PDAP1: variants seen among roughly 807,000 people sequenced by gnomAD.
PDAP1 encodes 28 kDa heat- and acid-stable phosphoprotein.
A neutral mutation model predicts 28.0 loss-of-function variants in PDAP1; 13 were observed. The observed-to-expected ratio is 0.46, with a 90% CI of 0.30 to 0.74. The LOEUF (loss-of-function observed/expected upper bound fraction) is 0.74. Ranked by LOEUF, PDAP1 falls within the 30% of genes least tolerant of loss-of-function variation. The probability of loss-of-function intolerance (pLI) is 0.07; values close to 1 mark genes in which losing one functional copy is unlikely to be tolerated. For synonymous variants in PDAP1, 77 were observed against 85.1 expected (o/e 0.91, Z 0.52); for missense variants, 150 against 230.0 (o/e 0.65, Z 2.25).
intron 4 of PDAP1, among the ~76,000 whole-genome samples, chr7:99,398,481 TG>T (rs1379149902): frequency 6.6e-6 from 1 of 152,218 alleles, no homozygotes; most frequent in Non-Finnish European, 1.5e-5. Flanking sequence ...CACTTGAGGC[TG>T]TAAGTTTGAG....
intron 4 of PDAP1, among the ~76,000 whole-genome samples, chr7:99,400,047 G>A (rs530035681): frequency 5.7e-4 from 87 of 152,312 alleles, no homozygotes; most frequent in African/African-American, 1.9e-3. Context: ...GGGAATGGAG[G>A]GCAACCCTCT....
chr7:99,408,455 C>G (rs1795030624), intron 1 of PDAP1, 81 bp downstream of exon 1: 1 of 1,249,526 alleles, frequency 8.0e-7, no homozygotes, highest in Non-Finnish European at 1.0e-6. Flanking sequence ...CTCTCAGAGA[C>G]GCGCACGGGC....
intron 4 of PDAP1, among the ~76,000 whole-genome samples, chr7:99,399,033 C>A (rs1023891307): frequency 1.3e-5 from 2 of 152,164 alleles, no homozygotes; most frequent in Non-Finnish European, 2.9e-5. Flanking sequence ...AGGATGAGAT[C>A]GGAGGGCCTA....
At chr7:99,398,773 C>G (rs1258878100) in intron 4 of PDAP1, among the ~76,000 whole-genome samples, 3 of 152,186 alleles carry the variant, frequency 2.0e-5, no homozygotes, top group African/African-American at 7.2e-5. Flanking sequence ...ATGAGGACCA[C>G]AGTGGGAAAC....
At chr7:99,404,688 G>C (rs1024441714) in intron 2 of PDAP1, among the ~76,000 whole-genome samples, 174 bp downstream of exon 2, 1 of 152,152 alleles carries the variant, frequency 6.6e-6, no homozygotes, top group Non-Finnish European at 1.5e-5. Flanking sequence ...GGATGCCCAC[G>C]CCCTGACTGT....
chr7:99,398,074 G>A (rs1562822453), intron 4 of PDAP1, 61 bp from the exon 5 acceptor site: 46 of 1,590,612 alleles, frequency 2.9e-5, no homozygotes, highest in Non-Finnish European at 3.5e-5. Flanking sequence ...CAAACTGGAC[G>A]GGAGTCAGAA....
chr7:99,405,429 G>T (rs1040072682), intron 1 of PDAP1, among the ~76,000 whole-genome samples: 1 of 146,938 alleles, frequency 6.8e-6, no homozygotes, highest in Admixed American at 6.9e-5. Context: ...GCGCAATCTC[G>T]GCTCACCGCA....
At chr7:99,399,183 G>T (rs1794816627) in intron 4 of PDAP1, among the ~76,000 whole-genome samples, 1 of 152,126 alleles carries the variant, frequency 6.6e-6, no homozygotes, top group African/African-American at 2.4e-5. Context: ...AGGCATGGGA[G>T]CTAGCTAGAG....
At chr7:99,399,462 G>A (rs531969868) in intron 4 of PDAP1, among the ~76,000 whole-genome samples, 143 of 324 alleles carry the variant, frequency 0.44, 1 homozygote, top group African/African-American at 0.49. Flanking sequence ...GGACACTGAT[G>A]CCCAGAAAGG....
In PDAP1 at chr7:99,404,380, T is replaced by C. The variant is rs556341292; in HGVS notation, c.105+482A>G. Reference sequence around the variant, plus strand: ...GAGGAGAGGGAACTACTAAATCAGCTCTGGCTGGAGGTGAGGCATGAGTCA... The same window carrying C: ...GAGGAGAGGGAACTACTAAATCAGCCCTGGCTGGAGGTGAGGCATGAGTCA... On this transcript the variant is annotated intron_variant, in intron 2 of 5. Transcript: ENST00000350498. 5.3e-5 allele frequency among the ~76,000 whole-genome samples: 8 copies of C among 152,182 alleles called. No homozygotes were observed. In the East Asian group the frequency reaches 1.5e-3, roughly 29 times the overall value.
chr7:99,402,228 C>CAA (rs765074891), intron 3 of PDAP1, among the ~76,000 whole-genome samples: 4,755 of 47,044 alleles, frequency 0.1, 199 homozygotes, highest in African/African-American at 0.18. Context: ...CTCCATCTCC[C>CAA]AAAAAAAAAA....
chr7:99,398,647 T>A (rs1044148439), intron 4 of PDAP1, among the ~76,000 whole-genome samples: 4 of 152,190 alleles, frequency 2.6e-5, no homozygotes, highest in African/African-American at 9.7e-5. Context: ...AAGGCTGCAG[T>A]GAGCTACAAT....
intron 3 of PDAP1, among the ~76,000 whole-genome samples, chr7:99,401,784 C>T (rs181575735): frequency 6.7e-6 from 1 of 150,096 alleles, no homozygotes; most frequent in Non-Finnish European, 1.5e-5. Context: ...CTGCACTCCG[C>T]CTCCCGGGTT....
intron 1 of PDAP1, chr7:99,406,666 T>C (rs1794977416): frequency 1.1e-6 from 1 of 951,048 alleles, no homozygotes; most frequent in South Asian, 4.8e-5. Context: ...TATGCAAGGG[T>C]GGCTGTGGCC....
intron 5 of PDAP1, among the ~76,000 whole-genome samples, chr7:99,397,214 C>T (rs1379527187): frequency 1.3e-5 from 2 of 152,102 alleles, no homozygotes; most frequent in African/African-American, 4.8e-5. Flanking sequence ...TTCCCCTTTC[C>T]AGGCCTGCTT....
intron 3 of PDAP1, among the ~76,000 whole-genome samples, chr7:99,400,739 T>C (rs1794849788): frequency 6.6e-6 from 1 of 152,170 alleles, no homozygotes; most frequent in African/African-American, 2.4e-5. Context: ...TACTTCAAGC[T>C]CGGCTTCCAA....
intron 4 of PDAP1, among the ~76,000 whole-genome samples, chr7:99,399,630 T>G (rs1399669491): frequency 6.6e-6 from 1 of 152,084 alleles, no homozygotes; most frequent in Non-Finnish European, 1.5e-5. Context: ...CTCATGGCCT[T>G]CCCCACGAGG....
rs868286305 is a variant in PDAP1, at chr7:99,405,311, C to T, written c.14-358G>A. ...AAACATGTACCACTTACATCCCTGC[C>T]GTCACTATAAGGGCTTTTTACACGA... On this transcript the variant is annotated intron_variant, in intron 1 of 5. Transcript: ENST00000350498. Among the ~76,000 whole-genome samples the T allele has an allele frequency of 3.9e-5, 6 of 152,114 alleles. No individual in the cohort carries two copies. In the South Asian group the frequency reaches 6.2e-4, roughly 16 times the overall value.
chr7:99,408,264 G>A (rs1243806028), intron 1 of PDAP1, among the ~76,000 whole-genome samples: 1 of 151,916 alleles, frequency 6.6e-6, no homozygotes, highest in Non-Finnish European at 1.5e-5. Flanking sequence ...CCCTAGACCC[G>A]GAGAAGCGCA....
Sources: gnomAD v4.1 joint callset for allele counts (sites outside exome capture counted in the v4.1 genomes callset) on GRCh38, gnomAD v4.1.1 for gene constraint, MANE v1.5 for transcripts, NCBI Gene and HGNC (gene_info 2026-07-23, HGNC 2026-07-21) for gene names.